Variants in ETV6 observed in about 807,000 individuals in gnomAD.
The protein encoded by ETV6 is transcription factor ETV6.
A neutral mutation model predicts 51.1 loss-of-function variants in ETV6; 16 were observed. The ratio of observed to expected loss-of-function variants is 0.31; its 90% CI spans 0.21 to 0.48. The LOEUF (loss-of-function observed/expected upper bound fraction) is 0.48, where lower values mean the gene tolerates loss of function less well. Among genes scored for constraint, ETV6 ranks in the 20% least tolerant of loss-of-function variants. The probability of loss-of-function intolerance (pLI) is 0.99; values close to 1 mark genes in which losing one functional copy is unlikely to be tolerated. For synonymous variants in ETV6, 240 were observed against 224.1 expected (o/e 1.07, Z -0.64); for missense variants, 458 against 594.8 (o/e 0.77, Z 2.39).
At chr12:11,871,222 T>A (rs1342076409) in intron 5 of ETV6, among the ~76,000 whole-genome samples, 5 of 141,404 alleles carry the variant, frequency 3.5e-5, no homozygotes, top group South Asian at 5.2e-4. Context: ...TTTTCCACAC[T>A]CTGTTGCCCA....
rs200525003 is a variant in ETV6 at position 11,869,718 on chromosome 12, C to T, written c.758C>T (p.Pro253Leu). 1.3e-5 allele frequency: 21 copies of T among 1,613,992 alleles called. No homozygotes were observed. The highest frequency in any genetic ancestry group is 1.6e-4 in the Middle Eastern group (1 of 6,062). Residue 253 changes from proline to leucine, a missense_variant, in exon 5 of 8, where the codon CCG becomes CTG. By Grantham distance (98) the Pro-to-Leu change is moderately conservative. Around this residue, in one of 4 missense-constraint regions of ETV6, gnomAD observed 293 missense variants for 315.7 expected, o/e 0.93. Coordinates refer to ENST00000396373, the MANE Select transcript of ETV6 (RefSeq NM_001987.5). This position sits in a 1 kb window ranked among gnomAD's most constrained non-coding sequence, Gnocchi z 5.0. ...TGCCCAGCGTCCTCCGAGTCCCACC[C>T]GAAGCCATCCAGCCCCCGGCAGGAG... ...NHCPASSESH[P>L]KPSSPRQEST...
chr12:11,834,638 C>G (rs1946289250), intron 2 of ETV6, among the ~76,000 whole-genome samples: 3 of 152,174 alleles, frequency 2.0e-5, no homozygotes, highest in African/African-American at 7.2e-5. Context: ...TAGATTATAA[C>G]TTTTCCAAGA....
At chr12:11,669,325 C>T (rs75792804) in intron 1 of ETV6, among the ~76,000 whole-genome samples, 1,755 of 146,846 alleles carry the variant, frequency 0.012, 32 homozygotes, top group African/African-American at 0.042. Context: ...TTTCCTTCCT[C>T]CCTCCCTCCC....
intron 2 of ETV6, among the ~76,000 whole-genome samples, chr12:11,771,454 A>C (rs1250490356): frequency 3.3e-5 from 5 of 152,166 alleles, no homozygotes; most frequent in African/African-American, 1.2e-4. Flanking sequence ...ATAAACTTCA[A>C]ACTGGTGGGA....
chr12:11,695,164 A>G (rs1271370540), intron 1 of ETV6, among the ~76,000 whole-genome samples: 1 of 152,248 alleles, frequency 6.6e-6, no homozygotes, highest in African/African-American at 2.4e-5. Context: ...GCCCAAATTC[A>G]TATGACCCCT....
intron 2 of ETV6, among the ~76,000 whole-genome samples, chr12:11,756,101 G>C (rs1945003057): frequency 6.6e-6 from 1 of 152,204 alleles, no homozygotes; most frequent in Admixed American, 6.5e-5. Flanking sequence ...GAAGTAGAGA[G>C]TGATGCCTTT....
At chr12:11,701,359 C>T (rs1351901367) in intron 1 of ETV6, among the ~76,000 whole-genome samples, 1 of 152,106 alleles carries the variant, frequency 6.6e-6, no homozygotes, top group African/African-American at 2.4e-5. Flanking sequence ...CTCCAGGTCT[C>T]TCCGTAAGTG....
intron 1 of ETV6, among the ~76,000 whole-genome samples, chr12:11,669,456 TCTTTCTTTC>T (rs1025451382): frequency 2.0e-5 from 3 of 147,540 alleles, no homozygotes; most frequent in African/African-American, 7.7e-5. Context: ...TTCTCTCTTT[TCTTTCTTTC>T]CTTTCTTCTT....
At chr12:11,668,918 C>A (rs1388531899) in intron 1 of ETV6, among the ~76,000 whole-genome samples, 1 of 152,164 alleles carries the variant, frequency 6.6e-6, no homozygotes, top group Non-Finnish European at 1.5e-5. Context: ...AGGCAGCTGC[C>A]CGTCTGCTCC....
chr12:11,768,471 T>G (rs1591660374), intron 2 of ETV6, among the ~76,000 whole-genome samples: 1 of 152,208 alleles, frequency 6.6e-6, no homozygotes, highest in Non-Finnish European at 1.5e-5. Flanking sequence ...AACTGGCTGG[T>G]AGCAGAGCCA....
At chr12:11,689,808 C>CT (rs1864714966) in intron 1 of ETV6, among the ~76,000 whole-genome samples, 1 of 32,946 alleles carries the variant, frequency 3.0e-5, no homozygotes, top group African/African-American at 1.3e-4. Flanking sequence ...GTCTTTTTCC[C>CT]TCCCCCCCCC....
chr12:11,667,890 CAG>C (rs1435422418), intron 1 of ETV6, among the ~76,000 whole-genome samples: 1 of 151,896 alleles, frequency 6.6e-6, no homozygotes, highest in African/African-American at 2.4e-5. Flanking sequence ...TTAGCAGAGA[CAG>C]AGTTTCACCA....
chr12:11,672,238 C>G (rs1864332076), intron 1 of ETV6, among the ~76,000 whole-genome samples: 1 of 152,050 alleles, frequency 6.6e-6, no homozygotes, highest in African/African-American at 2.4e-5. Context: ...ACTCCCAACC[C>G]AAATCGAATC....
chr12:11,797,088 C>G (rs574442362), intron 2 of ETV6, among the ~76,000 whole-genome samples: 1 of 152,140 alleles, frequency 6.6e-6, no homozygotes, highest in Non-Finnish European at 1.5e-5. Flanking sequence ...GATTCTTTTT[C>G]TCCTCTAAAG....
chr12:11,669,355 T>TTTCCTCCC, intron 1 of ETV6, among the ~76,000 whole-genome samples: 1 of 46,620 alleles, frequency 2.1e-5, no homozygotes. Context: ...CCCGTCCTCC[T>TTTCCTCCC]GTCCTCCCTT....
rs567780131 is a variant in ETV6 at position 11,780,543 on chromosome 12, G to A, written c.163+27964G>A. ...GAAGCAAAAGGATACTTGGCAGCCC[G>A]GAGCTTAGCTGAGATGGAGCCATAA... On this transcript the variant is annotated intron_variant, in intron 2 of 7. Coordinates refer to ENST00000396373, the MANE Select transcript of ETV6 (RefSeq NM_001987.5). Among the ~76,000 whole-genome samples, 9 of 152,278 alleles carry A rather than the reference G, an allele frequency of 5.9e-5. No homozygotes were observed. In the South Asian group the frequency reaches 1.0e-3, roughly 18 times the overall value.
chr12:11,890,249 T>C (rs1314198909), intron 7 of ETV6, among the ~76,000 whole-genome samples: 1 of 151,924 alleles, frequency 6.6e-6, no homozygotes, highest in Non-Finnish European at 1.5e-5. Flanking sequence ...TGAATACCAT[T>C]TCCTGGGCTC....
At chr12:11,698,682 T>G (rs1351396802) in intron 1 of ETV6, among the ~76,000 whole-genome samples, 1 of 152,180 alleles carries the variant, frequency 6.6e-6, no homozygotes, top group African/African-American at 2.4e-5. Context: ...CCCTAATACC[T>G]TTGTAAGATA....
intron 2 of ETV6, among the ~76,000 whole-genome samples, chr12:11,758,598 C>T (rs2121095637): frequency 1.3e-5 from 2 of 152,330 alleles, no homozygotes; most frequent in African/African-American, 4.8e-5. Context: ...ATGTCTCTCC[C>T]TCAGTCTGGA....
Sources: allele counts gnomAD v4.1 joint callset (sites outside exome capture counted in the v4.1 genomes callset), GRCh38; gene constraint gnomAD v4.1.1; regional missense constraint gnomAD v4.1.1; non-coding constraint Gnocchi (gnomAD v3.1); transcripts MANE v1.5; gene names NCBI Gene and HGNC (gene_info 2026-07-23, HGNC 2026-07-21).